The following HSPA9 variants were observed in gnomAD, a reference collection of about 807,000 sequenced individuals.
The protein encoded by HSPA9 is stress-70 protein, mitochondrial.
HSPA9 carries 28 observed loss-of-function variants against 81.5 expected under a neutral mutation model. The ratio of observed to expected loss-of-function variants is 0.34; its 90% CI spans 0.25 to 0.47. The LOEUF is 0.47. Ranked by LOEUF, HSPA9 falls within the 20% of genes least tolerant of loss-of-function variation. HSPA9 has a pLI of 1.00. For synonymous variants in HSPA9, 293 were observed against 290.4 expected, an observed-to-expected ratio of 1.01 and a Z score of -0.09; for missense variants, 678 against 838.0, an observed-to-expected ratio of 0.81 and a Z score of 2.36.
In HSPA9 at chr5:138,555,662, T is replaced by C. The variant is rs1455945097; in HGVS notation, c.*375A>G. ...TAACTAGAAGGATCTCATCCCCATA[T>C]GTGGTCTCATTTCAAGTCTATGGAT... On this transcript the variant is annotated 3_prime_UTR_variant, in exon 17 of 17. Transcript: ENST00000297185. 6.1e-6 allele frequency: 2 copies of C among 329,436 alleles called. No homozygotes were observed. Among genetic ancestry groups the C allele is most frequent in the African/African-American group, 2.2e-5 (1 of 46,190 alleles). The allele number at this position is 329,436 out of a possible 1,614,324, so 20.4% of individuals were successfully genotyped here. A position where few individuals can be genotyped will look rare whatever the true frequency, so the allele number is the denominator to read the frequency against.
At position 138,570,978 on chromosome 5, in the gene HSPA9, G is replaced by T. The variant is rs367742162; in HGVS notation, c.392C>A (p.Pro131His). ...KRLIGRRYDD[P>H]EVQKDIKNVP... is the part of the protein sequence containing the mutation. ...TACTCACATGTCTTTCTGTACTTCA[G>T]GATCATCATATCGCCGGCCAATGAG... The change falls in exon 4 of 17, where the codon CCT becomes CAT. Residue 131 changes from proline (P) to histidine (H), a missense_variant. Physicochemically the swap from Pro to His is moderately conservative, Grantham distance 77. Coordinates refer to ENST00000297185, the MANE Select transcript of HSPA9 (RefSeq NM_004134.7). The T allele has an allele frequency of 4.3e-6, 7 of 1,613,998 alleles. No homozygotes were observed. The highest frequency in any genetic ancestry group is 1.7e-5 in the Admixed American group (1 of 59,994).
chr5:138,561,904 G>C, intron 9 of HSPA9, 115 bp from the exon 10 acceptor site: 1 of 804,646 alleles, frequency 1.2e-6, no homozygotes, highest in East Asian at 2.5e-5. Flanking sequence ...AAACCAAAGG[G>C]AGGGTGAGAT....
Position 138,567,067 on chromosome 5 carries a change from G to A in HSPA9, c.813C>T (p.Thr271=), listed in dbSNP as rs762638388. Reference sequence around the variant, plus strand: ...GGTCAAAGTCTTCCCCACCTAAGAAGGTATCCCCATTTGTGGATTTCACCT... The same window carrying A: ...GGTCAAAGTCTTCCCCACCTAAGAAAGTATCCCCATTTGTGGATTTCACCT... ...VFEVKSTNGD[T]FLGGEDFDQA... The change falls in exon 8 of 17, where the codon ACC becomes ACT. Residue 271 remains threonine, a synonymous_variant. Transcript: ENST00000297185. 11 of 1,613,572 alleles carry A rather than the reference G, an allele frequency of 6.8e-6. No individual in the cohort carries two copies. The highest frequency in any genetic ancestry group is 6.6e-5 in the South Asian group (6 of 91,080).
intron 4 of HSPA9, 133 bp downstream of exon 4, chr5:138,570,827 A>G: frequency 1.2e-6 from 1 of 860,840 alleles, no homozygotes; most frequent in Non-Finnish European, 2.0e-6. Context: ...GCAGTGGTAC[A>G]GATTTCCCCT....
At chr5:138,571,960 CTTT>C (rs10694029) in intron 3 of HSPA9, among the ~76,000 whole-genome samples, 1 of 100,456 alleles carries the variant, frequency 1.0e-5, no homozygotes, top group African/African-American at 4.2e-5. Flanking sequence ...CTGCGCCTGG[CTTT>C]TTTTTTTTTT....
In HSPA9 at chr5:138,566,737, G is replaced by A. The variant is rs1194454038; in HGVS notation, c.880-19C>T. ...CCCCTGTCTATAAAGTGAAGACATT[G>A]AACACCAAACACCAGCATTAGTGAG... On this transcript the variant is annotated intron_variant, in intron 8 of 16. Coordinates refer to ENST00000297185, the MANE Select transcript of HSPA9 (RefSeq NM_004134.7). 1.3e-5 allele frequency: 21 copies of A among 1,569,898 alleles called. No homozygotes were observed. The highest frequency in any genetic ancestry group is 1.7e-5 in the Admixed American group (1 of 59,898).
chr5:138,564,684 T>C (rs1750725797), intron 9 of HSPA9, among the ~76,000 whole-genome samples: 1 of 152,252 alleles, frequency 6.6e-6, no homozygotes, highest in African/African-American at 2.4e-5. Context: ...CCTTCTTAAA[T>C]TGTAACTGCA....
intron 4 of HSPA9, among the ~76,000 whole-genome samples, chr5:138,569,373 C>A (rs919878509): frequency 3.3e-5 from 5 of 152,188 alleles, no homozygotes; most frequent in Non-Finnish European, 7.3e-5. Flanking sequence ...ACTGTATGAT[C>A]CAGCAATTCT....
intron 9 of HSPA9, among the ~76,000 whole-genome samples, chr5:138,564,529 C>T (rs1279428843): frequency 6.6e-6 from 1 of 152,218 alleles, no homozygotes; most frequent in East Asian, 1.9e-4. Context: ...TCCTGAGTAG[C>T]TGGGACTACA....
Position 138,556,091 on chromosome 5 carries a change from A to G in HSPA9, c.1986T>C (p.Ser662=). Residue 662 remains serine, a synonymous_variant, in exon 17 of 17, where the codon TCT becomes TCC. Transcript: ENST00000297185. ...TTTGTTCCCCAGTGCCAGAACTTCC[A>G]GAGCCTTCTCGCTCAGATGCCATCT... ...YKKMASEREG[S]GSSGTGEQKE... The G allele has an allele frequency of 6.2e-7, 1 of 1,613,708 alleles. No individual in the cohort carries two copies. The highest frequency in any genetic ancestry group is 8.5e-7 in the Non-Finnish European group (1 of 1,179,724).
At chr5:138,561,881 C>G in intron 9 of HSPA9, 92 bp from the exon 10 acceptor site, 1 of 998,220 alleles carries the variant, frequency 1.0e-6, no homozygotes, top group Non-Finnish European at 1.6e-6. Flanking sequence ...TGCCCTAGGA[C>G]AGAAGACTTG....
At chr5:138,557,564 A>G (rs1750555116) in intron 13 of HSPA9, 68 bp from the exon 14 acceptor site, 2 of 935,512 alleles carry the variant, frequency 2.1e-6, no homozygotes, top group Admixed American at 1.9e-5. Flanking sequence ...CCTCCATTGC[A>G]TTAAGAGTAC....
intron 9 of HSPA9, among the ~76,000 whole-genome samples, chr5:138,564,126 CAG>C (rs1402476172): frequency 6.6e-6 from 1 of 152,106 alleles, no homozygotes; most frequent in Admixed American, 6.6e-5. Context: ...TTTTTTGAGA[CAG>C]AGTCTCATTC....
At chr5:138,566,754 A>G in intron 8 of HSPA9, 36 bp from the exon 9 acceptor site, 1 of 1,477,774 alleles carries the variant, frequency 6.8e-7, no homozygotes. Context: ...AAACACCAGC[A>G]TTAGTGAGGT....
At chr5:138,574,013 A>C in intron 2 of HSPA9, 55 bp downstream of exon 2, 1 of 1,414,840 alleles carries the variant, frequency 7.1e-7, no homozygotes, top group Non-Finnish European at 1.0e-6. Flanking sequence ...TGTAGAAAAC[A>C]CTGCTTTGAA....
chr5:138,557,733 T>G lies in HSPA9; in HGVS notation c.1633+136A>C, dbSNP rs901762177. On this transcript the variant is annotated intron_variant, in intron 13 of 16. Transcript: ENST00000297185. ...AGCAATCCACAGGCTCAGTGCCTGT[T>G]TGTGGGGAATAAACATTACACTTGT... The G allele has an allele frequency of 2.1e-5, 16 of 779,598 alleles. No homozygotes were observed. In the African/African-American group the frequency reaches 2.7e-4, roughly 13 times the overall value. 48.3% of individuals were successfully genotyped at this position (779,598 alleles called of 1,614,324 possible).
chr5:138,556,735 T>C (rs754159072), intron 15 of HSPA9, 39 bp downstream of exon 15: 13 of 1,574,722 alleles, frequency 8.3e-6, no homozygotes, highest in Non-Finnish European at 1.1e-5. Context: ...TTGGTAAAAA[T>C]GTGTTCAACC....
chr5:138,570,684 C>G (rs1418000789), intron 4 of HSPA9: 1 of 389,028 alleles, frequency 2.6e-6, no homozygotes, highest in Non-Finnish European at 4.9e-6. Flanking sequence ...AGGGTTTCAC[C>G]ATGTTGGCCA....
chr5:138,566,368 C>T (rs1750760228), intron 9 of HSPA9, among the ~76,000 whole-genome samples: 1 of 152,024 alleles, frequency 6.6e-6, no homozygotes, highest in Non-Finnish European at 1.5e-5. Context: ...CAAGTACACC[C>T]AGCACATCAT....
Sources: gnomAD v4.1 joint callset for allele counts (sites outside exome capture counted in the v4.1 genomes callset) on GRCh38, gnomAD v4.1.1 for gene constraint, MANE v1.5 for transcripts, NCBI Gene and HGNC (gene_info 2026-07-23, HGNC 2026-07-21) for gene names.